Variants in IP6K1 observed in about 807,000 individuals in gnomAD.
IP6K1 encodes ATP:1D-myo-inositol-hexakisphosphate phosphotransferase.
In IP6K1, 13 loss-of-function variants were observed where a neutral mutation model predicts 38.3. That is an observed-to-expected ratio of 0.34 (90% CI 0.22 to 0.54). The LOEUF (loss-of-function observed/expected upper bound fraction) is 0.54, where lower values mean the gene tolerates loss of function less well. Ranked by LOEUF, IP6K1 falls within the 20% of genes least tolerant of loss-of-function variation. IP6K1 has a pLI of 0.92. For synonymous variants in IP6K1, 212 were observed against 229.9 expected, an observed-to-expected ratio of 0.92 and a Z score of 0.70; for missense variants, 397 against 599.8, an observed-to-expected ratio of 0.66 and a Z score of 3.53.
At chr3:49,749,879 A>G (rs2080757538) in intron 1 of IP6K1, among the ~76,000 whole-genome samples, 1 of 145,198 alleles carries the variant, frequency 6.9e-6, no homozygotes, top group Non-Finnish European at 1.5e-5. Flanking sequence ...GTCTAGGAAT[A>G]CTACCTGGGA....
At chr3:49,757,864 T>C (rs1392945721) in intron 1 of IP6K1, among the ~76,000 whole-genome samples, 1 of 152,246 alleles carries the variant, frequency 6.6e-6, no homozygotes, top group African/African-American at 2.4e-5. Flanking sequence ...TACTACCTTA[T>C]ATTAGCAATA....
intron 1 of IP6K1, among the ~76,000 whole-genome samples, chr3:49,764,673 G>A (rs1175253279): frequency 6.6e-6 from 1 of 152,048 alleles, no homozygotes; most frequent in African/African-American, 2.4e-5. Flanking sequence ...GAGGTCGGGA[G>A]TTCAAGACCA....
intron 1 of IP6K1, among the ~76,000 whole-genome samples, chr3:49,770,947 A>G (rs943916744): frequency 2.0e-5 from 3 of 151,776 alleles, no homozygotes; most frequent in African/African-American, 7.3e-5. Flanking sequence ...CTCCGTTGCT[A>G]CAAAAAATTT....
chr3:49,730,184 C>T (rs1166057562), intron 4 of IP6K1, among the ~76,000 whole-genome samples: 3 of 152,126 alleles, frequency 2.0e-5, no homozygotes, highest in African/African-American at 4.8e-5. Context: ...TGAGCCACCG[C>T]GCCCAGCCGC....
chr3:49,757,137 A>C lies in IP6K1; in HGVS notation c.-128-8969T>G, dbSNP rs147188667. Among the ~76,000 whole-genome samples, 566 of 152,356 alleles carry C rather than the reference A, an allele frequency of 3.7e-3. 4 individuals are homozygous for C. Among genetic ancestry groups the C allele is most frequent in the African/African-American group, 0.013 (541 of 41,588 alleles). Reference sequence around the variant, plus strand: ...GTGAAATGATGAGCCTCCTGGACTTATTTCCTATCACCAATCCCACTGAAG... The same window carrying C: ...GTGAAATGATGAGCCTCCTGGACTTCTTTCCTATCACCAATCCCACTGAAG... On this transcript the variant is annotated intron_variant, in intron 1 of 5. Transcript: ENST00000321599.
At position 49,767,597 on chromosome 3, in the gene IP6K1, T is replaced by C. The variant is rs76973708; in HGVS notation, c.-129+18757A>G. Among the ~76,000 whole-genome samples, 384 of 142,252 alleles carry C rather than the reference T, an allele frequency of 2.7e-3. 5 individuals are homozygous for C. In the East Asian group the frequency reaches 0.051, roughly 19 times the overall value. 93.3% of individuals were successfully genotyped at this position (142,252 alleles called of 152,430 possible). A position where few individuals can be genotyped will look rare whatever the true frequency, so the allele number is the denominator to read the frequency against. The stretch of plus-strand genomic sequence containing the variant: ...CCATCTCAAAAAATAATAATAATAA[T>C]AACAACAACTTAAAAAAATAAAATT... On this transcript the variant is annotated intron_variant, in intron 1 of 5. Coordinates refer to ENST00000321599, the MANE Select transcript of IP6K1 (RefSeq NM_153273.4).
chr3:49,738,135 T>C, intron 3 of IP6K1, 77 bp downstream of exon 3: 1 of 1,215,552 alleles, frequency 8.2e-7, no homozygotes, highest in Admixed American at 1.8e-5. Context: ...CTGTGAGCCC[T>C]GCTTCCCCAT....
intron 1 of IP6K1, among the ~76,000 whole-genome samples, chr3:49,750,094 A>G (rs569494119): frequency 1.3e-5 from 2 of 152,294 alleles, no homozygotes; most frequent in South Asian, 4.1e-4. Context: ...TTCCACAGCA[A>G]AAGTCCAAGG....
intron 1 of IP6K1, among the ~76,000 whole-genome samples, chr3:49,763,814 G>A (rs534299891): frequency 1.7e-3 from 258 of 151,866 alleles, no homozygotes; most frequent in Non-Finnish European, 3.1e-3. Flanking sequence ...TCAGGAGTTC[G>A]AAACCAGCCT....
chr3:49,727,286 A>C lies in IP6K1; in HGVS notation c.1162T>G (p.Ser388Ala). The C allele has an allele frequency of 6.2e-7, 1 of 1,614,126 alleles. No homozygotes were observed. Among genetic ancestry groups the C allele is most frequent in the Non-Finnish European group, 8.5e-7 (1 of 1,180,008 alleles). ...CGGACATCCACCTTGGGCTGAGAGG[A>C]GGGACCCGCCTCGGGGCTGGTGTTG... ...PSNTSPEAGPSSQPKVDVRMI... is the reference protein window; with the variant it reads ...PSNTSPEAGPASQPKVDVRMI... The change falls in exon 6 of 6, where the codon TCC becomes GCC. Residue 388 changes from serine to alanine, a missense_variant. This residue lies in a region of IP6K1 where 164 missense variants were observed against 213.5 expected (regional missense o/e 0.77). Coordinates refer to ENST00000321599, the MANE Select transcript of IP6K1 (RefSeq NM_153273.4). The surrounding 1 kb of genome is among the most constrained non-coding windows in gnomAD (Gnocchi z 5.9).
intron 1 of IP6K1, among the ~76,000 whole-genome samples, chr3:49,772,826 A>G (rs1456007113): frequency 6.9e-6 from 1 of 144,358 alleles, no homozygotes; most frequent in Non-Finnish European, 1.5e-5. Flanking sequence ...TGAACTCTTG[A>G]GCTTTTTTTT....
intron 1 of IP6K1, among the ~76,000 whole-genome samples, chr3:49,781,421 T>G (rs1014803135): frequency 6.6e-6 from 1 of 152,228 alleles, no homozygotes; most frequent in African/African-American, 2.4e-5. Context: ...AGCAATAATG[T>G]AACTGCAGTT....
intron 1 of IP6K1, among the ~76,000 whole-genome samples, chr3:49,759,803 A>C (rs1448216134): frequency 6.6e-6 from 1 of 152,262 alleles, no homozygotes; most frequent in Non-Finnish European, 1.5e-5. Context: ...CAAGGGGTGA[A>C]CAACCAGCAT....
intron 1 of IP6K1, among the ~76,000 whole-genome samples, chr3:49,771,188 C>CAAAAAAAAAAAAAA (rs35601566): frequency 2.8e-5 from 2 of 72,498 alleles, no homozygotes; most frequent in Non-Finnish European, 5.4e-5. Context: ...AACTCAGTAA[C>CAAAAAAAAAAAAAA]AAAAAAAAAA....
intron 1 of IP6K1, among the ~76,000 whole-genome samples, chr3:49,781,437 G>A (rs1331631670): frequency 2.6e-5 from 4 of 152,080 alleles, no homozygotes; most frequent in African/African-American, 4.8e-5. Flanking sequence ...CAGTTCAAAG[G>A]GTATGAAATA....
intron 1 of IP6K1, among the ~76,000 whole-genome samples, chr3:49,782,412 G>A (rs1191719751): frequency 2.6e-5 from 4 of 151,922 alleles, no homozygotes; most frequent in Admixed American, 2.6e-4. Flanking sequence ...CTCGTGACCC[G>A]CCCACCTTGG....
chr3:49,727,701 A>G lies in IP6K1; in HGVS notation c.793-46T>C. The G allele has an allele frequency of 1.3e-6, 2 of 1,578,064 alleles. No individual in the cohort carries two copies. The highest frequency in any genetic ancestry group is 1.7e-6 in the Non-Finnish European group (2 of 1,157,298). On this transcript the variant is annotated intron_variant, in intron 5 of 5. Coordinates refer to ENST00000321599, the MANE Select transcript of IP6K1 (RefSeq NM_153273.4). The surrounding 1 kb of genome is among the most constrained non-coding windows in gnomAD (Gnocchi z 5.9). The stretch of plus-strand genomic sequence containing the variant: ...CAGGGTGAGTGCCAGGGAAGTCTGA[A>G]GAGCTCACAGTGCCCTGGGCAAACA...
Position 49,727,417 on chromosome 3 carries a change from C to G in IP6K1, c.1031G>C (p.Cys344Ser), listed in dbSNP as rs760984344. ...SLLVIYDGKE[C>S]RAESCLDRRS... ...GCGGTCCAGGCAGGACTCAGCCCGG[C>G]ACTCCTTGCCATCATAGATGACAAG... The change falls in exon 6 of 6, where the codon TGC (cysteine) becomes TCC (serine). Residue 344 changes from cysteine to serine, a missense_variant. Coordinates refer to ENST00000321599, the MANE Select transcript of IP6K1 (RefSeq NM_153273.4). The surrounding 1 kb of genome is among the most constrained non-coding windows in gnomAD (Gnocchi z 5.9). 3.2e-5 allele frequency: 52 copies of G among 1,614,048 alleles called. No homozygotes were observed. The highest frequency in any genetic ancestry group is 4.2e-5 in the Non-Finnish European group (50 of 1,180,014).
chr3:49,751,514 G>C (rs2080777398), intron 1 of IP6K1, among the ~76,000 whole-genome samples: 1 of 151,926 alleles, frequency 6.6e-6, no homozygotes. Flanking sequence ...TGTCCACAGA[G>C]GCTACTGTGA....
Sources: allele counts gnomAD v4.1 joint callset (sites outside exome capture counted in the v4.1 genomes callset), GRCh38; gene constraint gnomAD v4.1.1; regional missense constraint gnomAD v4.1.1; non-coding constraint Gnocchi (gnomAD v3.1); transcripts MANE v1.5; gene names NCBI Gene and HGNC (gene_info 2026-07-23, HGNC 2026-07-21).